The following AATF variants were observed in gnomAD, a reference collection of about 807,000 sequenced individuals.
AATF encodes apoptosis antagonizing transcription factor.
Under a neutral mutation model 63.7 loss-of-function variants are expected in AATF, and 48 were observed. The observed-to-expected ratio is 0.75, with a 90% CI of 0.60 to 0.96. The LOEUF is 0.96. Among genes scored for constraint, AATF ranks in the 40% least tolerant of loss-of-function variants. AATF has a pLI of 0.00. For synonymous variants in AATF, 258 were observed against 247.7 expected, an observed-to-expected ratio of 1.04 and a Z score of -0.39; for missense variants, 639 against 685.7, an observed-to-expected ratio of 0.93 and a Z score of 0.76.
In AATF at chr17:36,989,381, GCCTGTC is replaced by G; in HGVS notation, c.1287_1292del (p.Val430_Pro431del). ...TTGGCAAACCTGAGCCAGCAGCTCAGCCTGTCCCAGAGAGTTTGCCAGGGGAACCGG... is the reference window on the plus strand; with the variant it reads ...TTGGCAAACCTGAGCCAGCAGCTCAGCCAGAGAGTTTGCCAGGGGAACCGG... On this transcript the variant is annotated inframe_deletion, in exon 7 of 12. Coordinates refer to ENST00000619387, the MANE Select transcript of AATF (RefSeq NM_012138.4). The G allele has an allele frequency of 6.2e-7, 1 of 1,613,722 alleles. No individual in the cohort carries two copies.
chr17:37,026,095 T>C (rs902744160), intron 10 of AATF, among the ~76,000 whole-genome samples: 2 of 152,112 alleles, frequency 1.3e-5, no homozygotes, highest in African/African-American at 2.4e-5. Context: ...CTAACCTTAA[T>C]CTCATCATAA....
intron 4 of AATF, among the ~76,000 whole-genome samples, chr17:36,960,992 A>G (rs1464923757): frequency 3.3e-5 from 5 of 152,168 alleles, no homozygotes; most frequent in Admixed American, 1.3e-4. Flanking sequence ...AGAGATAACC[A>G]TAGTTGTCAT....
intron 4 of AATF, among the ~76,000 whole-genome samples, chr17:36,957,468 G>A (rs919851541): frequency 2.0e-5 from 3 of 152,070 alleles, no homozygotes; most frequent in African/African-American, 7.2e-5. Context: ...ATTAGTATTT[G>A]GATTCTTTAT....
In AATF at chr17:37,031,609, T is replaced by C. The variant is rs2071552301; in HGVS notation, c.1548-5T>C. The C allele has an allele frequency of 6.2e-7, 1 of 1,613,692 alleles. No individual in the cohort carries two copies. Among genetic ancestry groups the C allele is most frequent in the Non-Finnish European group, 8.5e-7 (1 of 1,179,578 alleles). On this transcript the variant is annotated splice_region_variant and splice_polypyrimidine_tract_variant and intron_variant, in intron 10 of 11. Transcript: ENST00000619387. ...TTGCTGCCTGTTGCTTCCTGCTTTA[T>C]TTAGGTTTCATGTCCTTAGCAAGCT...
intron 4 of AATF, among the ~76,000 whole-genome samples, chr17:36,960,249 A>G (rs1249292032): frequency 6.6e-6 from 1 of 152,092 alleles, no homozygotes; most frequent in Non-Finnish European, 1.5e-5. Flanking sequence ...CCTGACCTCA[A>G]GATCCACCCG....
chr17:36,968,326 A>C (rs1314658574), intron 4 of AATF, among the ~76,000 whole-genome samples: 2 of 90,208 alleles, frequency 2.2e-5, no homozygotes, highest in African/African-American at 8.9e-5. Context: ...TTTGTCACCC[A>C]GGCTTGATCT....
intron 4 of AATF, among the ~76,000 whole-genome samples, chr17:36,963,993 A>C (rs1185924338): frequency 2.6e-5 from 4 of 152,132 alleles, no homozygotes; most frequent in Admixed American, 2.6e-4. Flanking sequence ...CCTGGGCAAC[A>C]CAGTGAGACC....
At chr17:37,019,848 G>A (rs1323781862) in intron 9 of AATF, among the ~76,000 whole-genome samples, 4 of 152,162 alleles carry the variant, frequency 2.6e-5, no homozygotes, top group Admixed American at 6.5e-5. Flanking sequence ...GTTTATCTCT[G>A]GAATGTTATA....
At chr17:37,051,192 G>T (rs1344706010) in intron 11 of AATF, 2 of 152,252 alleles carry the variant, frequency 1.3e-5, no homozygotes, top group African/African-American at 4.8e-5. Context: ...GGCTTTTTCG[G>T]GGAGCAGTGG....
chr17:37,056,862 G>A lies in AATF; in HGVS notation c.*198G>A, dbSNP rs1461672000. 1.7e-6 allele frequency: 1 copy of A among 592,604 alleles called. No individual in the cohort carries two copies. The highest frequency in any genetic ancestry group is 1.9e-5 in the African/African-American group (1 of 53,618). The allele number at this position is 592,604 out of a possible 1,614,324, so 36.7% of individuals were successfully genotyped here. On this transcript the variant is annotated 3_prime_UTR_variant, in exon 12 of 12. Coordinates refer to ENST00000619387, the MANE Select transcript of AATF (RefSeq NM_012138.4). ...TTAAACGCCACAAATAAAGAGCATT[G>A]TTACCGCCACCACCGCTTGTGATTT...
chr17:36,986,747 C>G lies in AATF; in HGVS notation c.947+16C>G, dbSNP rs1206594313. On this transcript the variant is annotated intron_variant, in intron 5 of 11. Coordinates refer to ENST00000619387, the MANE Select transcript of AATF (RefSeq NM_012138.4). Reference sequence around the variant, plus strand: ...ATGCGGGAAGGTAAGAGAACAGAATCATGGAGTTGCTTATTTTCTTTTCAT... The same window carrying G: ...ATGCGGGAAGGTAAGAGAACAGAATGATGGAGTTGCTTATTTTCTTTTCAT... 6.3e-7 allele frequency: 1 copy of G among 1,583,106 alleles called. No homozygotes were observed. Among genetic ancestry groups the G allele is most frequent in the Non-Finnish European group, 8.7e-7 (1 of 1,152,962 alleles).
At chr17:36,968,266 C>CTTTTTTTTT (rs2071009164) in intron 4 of AATF, among the ~76,000 whole-genome samples, 1 of 75,572 alleles carries the variant, frequency 1.3e-5, no homozygotes, top group African/African-American at 5.4e-5. Context: ...TTCTTTCCTT[C>CTTTTTTTTT]TTTCTTTTTT....
rs146099515 is a variant in AATF, at chr17:36,976,298, G to A, written c.833-10319G>A. On this transcript the variant is annotated intron_variant, in intron 4 of 11. Coordinates refer to ENST00000619387, the MANE Select transcript of AATF (RefSeq NM_012138.4). ...ATTTCTGTATCTGTAAAATGGTGAT[G>A]CAATAATAGTATCTACCTCAAAGGA... Among the ~76,000 whole-genome samples, 181 of 152,300 alleles carry A rather than the reference G, an allele frequency of 1.2e-3. 1 individual carries two copies. Among genetic ancestry groups the A allele is most frequent in the African/African-American group, 4.1e-3 (172 of 41,572 alleles).
At chr17:36,973,645 CT>C (rs1206368749) in intron 4 of AATF, among the ~76,000 whole-genome samples, 1 of 152,158 alleles carries the variant, frequency 6.6e-6, no homozygotes, top group African/African-American at 2.4e-5. Flanking sequence ...AAGAGTTAGA[CT>C]TTCAGGGGGT....
chr17:37,053,138 T>C (rs1292303908), intron 11 of AATF, among the ~76,000 whole-genome samples: 1 of 152,196 alleles, frequency 6.6e-6, no homozygotes, highest in Non-Finnish European at 1.5e-5. Context: ...GAATTGATGC[T>C]GAACCCTCCT....
chr17:37,027,194 T>G (rs2071517251), intron 10 of AATF, among the ~76,000 whole-genome samples: 2 of 152,204 alleles, frequency 1.3e-5, no homozygotes, highest in Admixed American at 1.3e-4. Context: ...ATTGTCAGTA[T>G]TCTACTCAGC....
In AATF at chr17:36,989,389, CAG is replaced by C; in HGVS notation, c.1297_1298del (p.Ser433PhefsTer14). On this transcript the variant is annotated frameshift_variant, in exon 7 of 12. Coordinates refer to ENST00000619387, the MANE Select transcript of AATF (RefSeq NM_012138.4). LOFTEE classifies it high-confidence loss of function. ...CCTGAGCCAGCAGCTCAGCCTGTCC[CAG>C]AGAGTTTGCCAGGGGAACCGGTAAG... 5.6e-6 allele frequency: 9 copies of C among 1,612,860 alleles called. No homozygotes were observed. The highest frequency in any genetic ancestry group is 7.6e-6 in the Non-Finnish European group (9 of 1,179,230).
At chr17:37,018,121 T>C (rs2071441549) in intron 8 of AATF, among the ~76,000 whole-genome samples, 1 of 152,254 alleles carries the variant, frequency 6.6e-6, no homozygotes, top group African/African-American at 2.4e-5. Context: ...TCTCTGCATA[T>C]AGCACTTATA....
intron 9 of AATF, among the ~76,000 whole-genome samples, chr17:37,019,788 T>G (rs1184003053): frequency 6.6e-6 from 1 of 152,206 alleles, no homozygotes; most frequent in Non-Finnish European, 1.5e-5. Context: ...TGAAATAATT[T>G]TATTTAAGTA....
Sources: allele counts gnomAD v4.1 joint callset (sites outside exome capture counted in the v4.1 genomes callset), GRCh38; gene constraint gnomAD v4.1.1; transcripts MANE v1.5; gene names NCBI Gene and HGNC (gene_info 2026-07-23, HGNC 2026-07-21).